The following CNTNAP2 variants were observed in gnomAD, a reference collection of about 807,000 sequenced individuals.
The protein encoded by CNTNAP2 is contactin associated protein 2.
In CNTNAP2, 98 loss-of-function variants were observed where a neutral mutation model predicts 155.2. The ratio of observed to expected loss-of-function variants is 0.63; its 90% confidence interval spans 0.54 to 0.75. The LOEUF (loss-of-function observed/expected upper bound fraction) is 0.75, where lower values mean the gene tolerates loss of function less well. CNTNAP2 is among the 30% of genes least tolerant of loss of function. CNTNAP2 has a pLI of 0.00. For missense variants in CNTNAP2, 1,727 were observed against 1,688.1 expected, an observed-to-expected ratio of 1.02 and a Z score of -0.40; for synonymous variants, 651 against 631.2, an observed-to-expected ratio of 1.03 and a Z score of -0.47.
chr7:146,945,573 G>A (rs1797149844), intron 3 of CNTNAP2, among the ~76,000 whole-genome samples: 1 of 152,084 alleles, frequency 6.6e-6, no homozygotes, highest in South Asian at 2.1e-4. Context: ...GAAAAAAATT[G>A]TTCTTTCCCC....
chr7:146,418,749 C>G (rs574466903), intron 1 of CNTNAP2, among the ~76,000 whole-genome samples: 3 of 152,034 alleles, frequency 2.0e-5, no homozygotes, highest in Non-Finnish European at 4.4e-5. Flanking sequence ...GAATTGTGTC[C>G]TCCTGAAAGA....
rs144264217 is a variant in CNTNAP2, at chr7:147,829,738, C to T, written c.2099-73827C>T. Among the ~76,000 whole-genome samples, 784 of 152,200 alleles carry T rather than the reference C, an allele frequency of 5.2e-3. 6 individuals carry two copies. Among genetic ancestry groups the T allele is most frequent in the African/African-American group, 0.017 (698 of 41,550 alleles). ...ATACAAGAACAATTGGAGGAGCATACGGTCAACTTTCAGATATCCTAAGGT... is the reference window on the plus strand; with the variant it reads ...ATACAAGAACAATTGGAGGAGCATATGGTCAACTTTCAGATATCCTAAGGT... On this transcript the variant is annotated intron_variant, in intron 13 of 23. Coordinates refer to ENST00000361727, the MANE Select transcript of CNTNAP2 (RefSeq NM_014141.6).
At chr7:147,069,463 T>C (rs1799847502) in intron 4 of CNTNAP2, among the ~76,000 whole-genome samples, 1 of 152,206 alleles carries the variant, frequency 6.6e-6, no homozygotes, top group South Asian at 2.1e-4. Context: ...ATAGGGGCCA[T>C]CTCAGAATTC....
chr7:146,680,412 A>C (rs1800481573), intron 1 of CNTNAP2, among the ~76,000 whole-genome samples: 1 of 152,208 alleles, frequency 6.6e-6, no homozygotes, highest in Non-Finnish European at 1.5e-5. Flanking sequence ...TTTTTTCTTA[A>C]CAGATGACTG....
At chr7:146,900,985 G>A (rs1196701502) in intron 3 of CNTNAP2, among the ~76,000 whole-genome samples, 2 of 151,756 alleles carry the variant, frequency 1.3e-5, no homozygotes, top group Admixed American at 6.6e-5. Flanking sequence ...CTAAGACTAT[G>A]CTTCAGAAAA....
intron 13 of CNTNAP2, among the ~76,000 whole-genome samples, chr7:147,744,004 A>G (rs753462990): frequency 2.6e-5 from 4 of 152,212 alleles, no homozygotes; most frequent in Non-Finnish European, 4.4e-5. Context: ...TATTTGAAAA[A>G]TTATACTAAT....
At chr7:148,140,719 G>A (rs990822356) in intron 16 of CNTNAP2, among the ~76,000 whole-genome samples, 1 of 152,166 alleles carries the variant, frequency 6.6e-6, no homozygotes, top group African/African-American at 2.4e-5. Context: ...ACCACACCCA[G>A]CCCAGGCCCC....
intron 1 of CNTNAP2, among the ~76,000 whole-genome samples, chr7:146,233,794 C>T (rs1412393344): frequency 6.6e-6 from 1 of 151,904 alleles, no homozygotes; most frequent in Non-Finnish European, 1.5e-5. Flanking sequence ...AGCACAGGAA[C>T]TCATCATTTT....
chr7:146,921,259 G>T (rs1796492069), intron 3 of CNTNAP2, among the ~76,000 whole-genome samples: 1 of 151,926 alleles, frequency 6.6e-6, no homozygotes, highest in African/African-American at 2.4e-5. Context: ...ACATAAAAAG[G>T]GTACATTTTT....
At chr7:146,972,954 CAT>C (rs957804325) in intron 3 of CNTNAP2, among the ~76,000 whole-genome samples, 2 of 152,196 alleles carry the variant, frequency 1.3e-5, no homozygotes, top group African/African-American at 4.8e-5. Context: ...CAACTGGTCA[CAT>C]GTGGCTATTT....
At chr7:148,327,318 A>T (rs1797910684) in intron 21 of CNTNAP2, among the ~76,000 whole-genome samples, 1 of 152,158 alleles carries the variant, frequency 6.6e-6, no homozygotes, top group African/African-American at 2.4e-5. Flanking sequence ...ATTTCCAAGG[A>T]CAATTATTTT....
At chr7:147,583,620 T>C (rs1800560333) in intron 12 of CNTNAP2, among the ~76,000 whole-genome samples, 2 of 151,112 alleles carry the variant, frequency 1.3e-5, no homozygotes, top group Non-Finnish European at 2.9e-5. Flanking sequence ...TTCTGATCCA[T>C]GTACCAATTT....
intron 3 of CNTNAP2, among the ~76,000 whole-genome samples, chr7:146,857,988 A>T (rs1157849307): frequency 6.6e-6 from 1 of 152,224 alleles, no homozygotes; most frequent in Non-Finnish European, 1.5e-5. Context: ...AACAAGTCAC[A>T]CTTATCAGAA....
chr7:147,330,843 C>G (rs1167370575), intron 9 of CNTNAP2, among the ~76,000 whole-genome samples: 1 of 152,090 alleles, frequency 6.6e-6, no homozygotes, highest in Non-Finnish European at 1.5e-5. Flanking sequence ...ATTATAACAT[C>G]AAACTACGCT....
At chr7:148,167,244 A>G (rs1389929414) in intron 17 of CNTNAP2, among the ~76,000 whole-genome samples, 3 of 152,176 alleles carry the variant, frequency 2.0e-5, no homozygotes, top group South Asian at 4.1e-4. Flanking sequence ...GGTTCATGCC[A>G]TTCTTCTGCC....
Position 147,577,694 on chromosome 7 carries a change from C to A in CNTNAP2, c.1897+15437C>A, listed in dbSNP as rs148107068. On this transcript the variant is annotated intron_variant, in intron 12 of 23. Coordinates refer to ENST00000361727, the MANE Select transcript of CNTNAP2 (RefSeq NM_014141.6). ...CAAGTTTTTTTTTTCTCAATAGCTA[C>A]CCCATTTTATAGGCAAAGGCTCAGA... Among the ~76,000 whole-genome samples the A allele has an allele frequency of 3.4e-3, 523 of 151,734 alleles. 2 individuals are homozygous for A. The highest frequency in any genetic ancestry group is 0.012 in the African/African-American group (501 of 41,390).
chr7:147,206,832 G>A (rs183388926), intron 8 of CNTNAP2, among the ~76,000 whole-genome samples: 22 of 152,048 alleles, frequency 1.4e-4, no homozygotes, highest in African/African-American at 5.3e-4. Flanking sequence ...ATTTTGCTTC[G>A]GATTTTCTCA....
intron 1 of CNTNAP2, among the ~76,000 whole-genome samples, chr7:146,773,515 C>A (rs190895480): frequency 4.6e-4 from 70 of 152,314 alleles, no homozygotes; most frequent in Non-Finnish European, 9.4e-4. Context: ...CCTGCCTCAG[C>A]CTCCCGAATA....
chr7:147,128,694 T>C lies in CNTNAP2; in HGVS notation c.941T>C (p.Ile314Thr). The change falls in exon 7 of 24, where the codon ATA (isoleucine) becomes ACA (threonine). Residue 314 changes from isoleucine (I) to threonine (T), a missense_variant and splice_region_variant. Physicochemically the swap from Ile to Thr is moderately conservative, Grantham distance 89 (BLOSUM62 -1). Transcript: ENST00000361727. ...EFDYLDLDYEITFGGIPFSGK... is the reference protein window; with the variant it reads ...EFDYLDLDYETTFGGIPFSGK... ...ACATTTAATTTCTTTTTCTCAAAGA[T>C]AACCTTTGGAGGCATCCCTTTCTCT... 6.2e-7 allele frequency: 1 copy of C among 1,613,972 alleles called. No homozygotes were observed. The highest frequency in any genetic ancestry group is 8.5e-7 in the Non-Finnish European group (1 of 1,179,880).
Sources: gnomAD v4.1 joint callset for allele counts (sites outside exome capture counted in the v4.1 genomes callset) on GRCh38, gnomAD v4.1.1 for gene constraint, MANE v1.5 for transcripts, NCBI Gene and HGNC (gene_info 2026-07-23, HGNC 2026-07-21) for gene names.